Variants in DNMT3A observed in about 807,000 individuals in gnomAD.
The protein encoded by DNMT3A is DNA (cytosine-5)-methyltransferase 3A.
A neutral mutation model predicts 117.6 loss-of-function variants in DNMT3A; 267 were observed. The ratio of observed to expected loss-of-function variants is 2.27; its 90% confidence interval spans 2.05 to 2.51. The LOEUF is 2.51. Ranked by LOEUF, DNMT3A falls within the 30% of genes most tolerant of loss-of-function variation. The pLI is 0.00. For missense variants in DNMT3A, 1,029 were observed against 1,260.2 expected, an observed-to-expected ratio of 0.82 and a Z score of 2.78; for synonymous variants, 432 against 474.8, an observed-to-expected ratio of 0.91 and a Z score of 1.17.
At chr2:25,278,756 G>A (rs532555402) in intron 4 of DNMT3A, among the ~76,000 whole-genome samples, 2 of 152,256 alleles carry the variant, frequency 1.3e-5, no homozygotes, top group East Asian at 1.9e-4. Context: ...AACCTGGGAG[G>A]TGGAGGTTGC....
At chr2:25,331,819 C>T (rs748554149) in intron 1 of DNMT3A, among the ~76,000 whole-genome samples, 1 of 152,124 alleles carries the variant, frequency 6.6e-6, no homozygotes, top group African/African-American at 2.4e-5. Context: ...CTCAGCCTCC[C>T]CCTGGGGAAA....
intron 1 of DNMT3A, among the ~76,000 whole-genome samples, chr2:25,336,735 C>T (rs1558751331): frequency 6.6e-6 from 1 of 152,132 alleles, no homozygotes; most frequent in Admixed American, 6.5e-5. Context: ...ATCTCCTCCC[C>T]AAACCAAGGC....
intron 2 of DNMT3A, among the ~76,000 whole-genome samples, chr2:25,301,921 A>G (rs971674769): frequency 2.0e-5 from 3 of 152,190 alleles, no homozygotes; most frequent in Non-Finnish European, 4.4e-5. Flanking sequence ...ATTGCAAAAT[A>G]CCTTGTGGTT....
At chr2:25,291,329 G>A (rs116515312) in intron 3 of DNMT3A, among the ~76,000 whole-genome samples, 2 of 152,146 alleles carry the variant, frequency 1.3e-5, no homozygotes, top group Non-Finnish European at 2.9e-5. Context: ...CCGCCCTTCC[G>A]GCAGCCCCCT....
At chr2:25,317,252 G>T (rs1432896046) in intron 1 of DNMT3A, among the ~76,000 whole-genome samples, 5 of 146,450 alleles carry the variant, frequency 3.4e-5, no homozygotes, top group Non-Finnish European at 6.0e-5. Context: ...TGTAGAAACA[G>T]GGTCTCCCTA....
chr2:25,306,054 G>A lies in DNMT3A; in HGVS notation c.73-5811C>T, dbSNP rs1227725759. On this transcript the variant is annotated intron_variant, in intron 2 of 22. Transcript: ENST00000321117. The surrounding 1 kb of genome is among the most constrained non-coding windows in gnomAD (Gnocchi z 4.1). ...CCAGCTGGCTGGCTGGCCTCCCAGG[G>A]ACTGTCTGTGGTCATGGAATTCAGT... 2.6e-5 allele frequency among the ~76,000 whole-genome samples: 4 copies of A among 152,222 alleles called. No homozygotes were observed. The highest frequency in any genetic ancestry group is 5.9e-5 in the Non-Finnish European group (4 of 68,038).
chr2:25,322,212 G>A (rs2034622287), intron 1 of DNMT3A, among the ~76,000 whole-genome samples: 1 of 152,152 alleles, frequency 6.6e-6, no homozygotes, highest in African/African-American at 2.4e-5. Flanking sequence ...GTACTACTGT[G>A]AGTAAATAAA....
intron 2 of DNMT3A, among the ~76,000 whole-genome samples, chr2:25,313,672 G>A (rs1184761218): frequency 3.9e-5 from 6 of 152,198 alleles, no homozygotes; most frequent in Non-Finnish European, 5.9e-5. Flanking sequence ...GCCACTGTGC[G>A]AATGCCATGG....
chr2:25,313,957 C>G lies in DNMT3A; in HGVS notation c.28G>C (p.Gly10Arg), dbSNP rs752093845. ...TCCGCAGCAGAGCTGCTGGTGTCCCCGGGGCCGCTGGAGGGCATGGCGGGC... is the reference window on the plus strand; with the variant it reads ...TCCGCAGCAGAGCTGCTGGTGTCCCGGGGGCCGCTGGAGGGCATGGCGGGC... Reference protein sequence around the residue: MPAMPSSGPGDTSSSAAERE... With the variant: MPAMPSSGPRDTSSSAAERE... The change falls in exon 2 of 23, where the codon GGG (glycine) becomes CGG (arginine). Residue 10 changes from glycine to arginine, a missense_variant. Transcript: ENST00000321117. 2 of 1,549,154 alleles carry G rather than the reference C, an allele frequency of 1.3e-6. No individual in the cohort carries two copies. Among genetic ancestry groups the G allele is most frequent in the Non-Finnish European group, 1.7e-6 (2 of 1,146,428 alleles).
In DNMT3A at chr2:25,288,002, CT is replaced by C. The variant is rs2032442231; in HGVS notation, c.178-5292del. Among the ~76,000 whole-genome samples, 4 of 151,878 alleles carry C rather than the reference CT, an allele frequency of 2.6e-5. No homozygotes were observed. In the South Asian group the frequency reaches 8.3e-4, roughly 32 times the overall value. On this transcript the variant is annotated intron_variant, in intron 3 of 22. Transcript: ENST00000321117. ...GGTGTCTGCTATTACACTTGGCTAACTTTTTGTATTTTTGGTAAAGATGGGG... is the reference window on the plus strand; with the variant it reads ...GGTGTCTGCTATTACACTTGGCTAACTTTTGTATTTTTGGTAAAGATGGGG...
intron 3 of DNMT3A, among the ~76,000 whole-genome samples, chr2:25,297,490 A>C (rs1392898025): frequency 2.0e-5 from 3 of 147,274 alleles, no homozygotes; most frequent in Non-Finnish European, 4.5e-5. Flanking sequence ...GGTTTTTTAC[A>C]CAGCCAGCTC....
upstream of DNMT3A, among the ~76,000 whole-genome samples, chr2:25,342,276 C>A (rs963597180): frequency 6.7e-6 from 1 of 149,940 alleles, no homozygotes; most frequent in African/African-American, 2.4e-5. This position sits in a 1 kb window ranked among gnomAD's most constrained non-coding sequence, Gnocchi z 5.9. Context: ...CCCCGCACGC[C>A]GCTTGGCGGA....
intron 3 of DNMT3A, among the ~76,000 whole-genome samples, chr2:25,291,058 C>T (rs1032178469): frequency 5.3e-5 from 8 of 152,214 alleles, no homozygotes; most frequent in African/African-American, 7.2e-5. Context: ...GGCACCCCCA[C>T]GCCTGCAGAC....
chr2:25,319,171 C>T (rs1254211521), intron 1 of DNMT3A, among the ~76,000 whole-genome samples: 2 of 151,440 alleles, frequency 1.3e-5, no homozygotes, highest in Non-Finnish European at 2.9e-5. Context: ...CCCACCACCA[C>T]ACCCGGCTAA....
In DNMT3A at chr2:25,286,577, C is replaced by T. The variant is rs2032326217; in HGVS notation, c.178-3866G>A. The stretch of plus-strand genomic sequence containing the variant: ...GGAGGGCAATGACTTCTGCCACGCT[C>T]AACCCTTGATTCATCCTACCCATCA... On this transcript the variant is annotated intron_variant, in intron 3 of 22. Coordinates refer to ENST00000321117, the MANE Select transcript of DNMT3A (RefSeq NM_022552.5). The surrounding 1 kb of genome is among the most constrained non-coding windows in gnomAD (Gnocchi z 4.3). Among the ~76,000 whole-genome samples, 1 of 152,234 alleles carries T rather than the reference C, an allele frequency of 6.6e-6. No homozygotes were observed. Among genetic ancestry groups the T allele is most frequent in the African/African-American group, 2.4e-5 (1 of 41,458 alleles).
chr2:25,284,473 G>A (rs188963346), intron 3 of DNMT3A, among the ~76,000 whole-genome samples: 4 of 151,610 alleles, frequency 2.6e-5, no homozygotes, highest in East Asian at 1.9e-4. Context: ...TGGCCAACAT[G>A]GCAAAACCCT....
chr2:25,337,704 T>A lies in DNMT3A; in HGVS notation c.-178+4122A>T. ...CGTCTTGCCCACACACTTAGCCAAG[T>A]GGAGGCAGGCTCGGATACAGACATA... On this transcript the variant is annotated intron_variant, in intron 1 of 22. Transcript: ENST00000321117. The surrounding 1 kb of genome is among the most constrained non-coding windows in gnomAD (Gnocchi z 5.0). 6.6e-6 allele frequency among the ~76,000 whole-genome samples: 1 copy of A among 152,192 alleles called. No homozygotes were observed. Among genetic ancestry groups the A allele is most frequent in the Non-Finnish European group, 1.5e-5 (1 of 68,028 alleles).
At chr2:25,255,485 G>A (rs1301555191) in intron 6 of DNMT3A, among the ~76,000 whole-genome samples, 2 of 152,202 alleles carry the variant, frequency 1.3e-5, no homozygotes, top group East Asian at 3.8e-4. Flanking sequence ...AAGAGGTGCT[G>A]GAAAGGAAGT....
chr2:25,341,675 C>G (rs945212334), intron 1 of DNMT3A, among the ~76,000 whole-genome samples, 151 bp downstream of exon 1: 4 of 146,666 alleles, frequency 2.7e-5, no homozygotes, highest in African/African-American at 9.8e-5. Flanking sequence ...GCCTGCAGTC[C>G]CGGCCCCACG....
Sources: gnomAD v4.1 joint callset for allele counts (sites outside exome capture counted in the v4.1 genomes callset) on GRCh38, gnomAD v4.1.1 for gene constraint, Gnocchi (gnomAD v3.1) non-coding constraint, MANE v1.5 for transcripts, NCBI Gene and HGNC (gene_info 2026-07-23, HGNC 2026-07-21) for gene names.